Variants in DLC1 observed in about 807,000 individuals in gnomAD.
DLC1 encodes the protein rho GTPase-activating protein 7.
In DLC1, 54 loss-of-function variants were observed where a neutral mutation model predicts 140.3. The ratio of observed to expected loss-of-function variants is 0.38; its 90% CI spans 0.31 to 0.48. The LOEUF is 0.48. DLC1 is among the 20% of genes least tolerant of loss of function. The pLI is 0.96. For missense variants in DLC1, 2,536 were observed against 1,907.0 expected (o/e 1.33, Z -6.14); for synonymous variants, 986 against 728.1 (o/e 1.35, Z -5.70).
At chr8:13,496,579 C>T (rs80255732) in intron 2 of DLC1, among the ~76,000 whole-genome samples, 30,373 of 130,362 alleles carry the variant, frequency 0.23, 3,231 homozygotes, top group East Asian at 0.32. Flanking sequence ...TATATATATA[C>T]ACACACACAC....
At chr8:13,568,127 T>A in intron 1 of DLC1, 1 of 714,180 alleles carries the variant, frequency 1.4e-6, no homozygotes, top group South Asian at 2.6e-5. Flanking sequence ...ATAAAAACTT[T>A]TACAAAATTC....
At chr8:13,262,252 A>G (rs1830497313) in intron 5 of DLC1, among the ~76,000 whole-genome samples, 1 of 152,246 alleles carries the variant, frequency 6.6e-6, no homozygotes, top group Non-Finnish European at 1.5e-5. Flanking sequence ...ACTTAAAAAA[A>G]AGATAGGGGT....
intron 5 of DLC1, among the ~76,000 whole-genome samples, chr8:13,125,072 G>C (rs755910623): frequency 3.9e-5 from 6 of 152,014 alleles, no homozygotes; most frequent in Non-Finnish European, 8.8e-5. Flanking sequence ...TGCCTCCTGG[G>C]TTCAAGCCAT....
chr8:13,287,569 T>C (rs1418790418), intron 5 of DLC1, among the ~76,000 whole-genome samples: 5 of 152,182 alleles, frequency 3.3e-5, no homozygotes, highest in Non-Finnish European at 4.4e-5. Flanking sequence ...TAAACCCTTG[T>C]TGGTATTTGT....
In DLC1 at chr8:13,141,952, C is replaced by T. The variant is rs115846278; in HGVS notation, c.1349-26295G>A. Reference sequence around the variant, plus strand: ...CCCAAATCTCATCTTGAACTGTAATCCCCAGGTATTTAGGGAGGCACCTAC... The same window carrying T: ...CCCAAATCTCATCTTGAACTGTAATTCCCAGGTATTTAGGGAGGCACCTAC... On this transcript the variant is annotated intron_variant, in intron 5 of 17. Transcript: ENST00000276297. Among the ~76,000 whole-genome samples the T allele has an allele frequency of 9.5e-3, 1,452 of 152,260 alleles. 18 individuals are homozygous for T. Among genetic ancestry groups the T allele is most frequent in the African/African-American group, 0.032 (1,342 of 41,534 alleles).
At chr8:13,157,922 T>G (rs1824375834) in intron 5 of DLC1, among the ~76,000 whole-genome samples, 1 of 152,238 alleles carries the variant, frequency 6.6e-6, no homozygotes, top group South Asian at 2.1e-4. Context: ...GAAAACTTAC[T>G]CATTTAGTTT....
At chr8:13,418,152 C>A (rs965873767) in intron 2 of DLC1, among the ~76,000 whole-genome samples, 1 of 152,138 alleles carries the variant, frequency 6.6e-6, no homozygotes, top group African/African-American at 2.4e-5. Flanking sequence ...AATTTTCTCC[C>A]ATTTTGTAAG....
chr8:13,343,470 T>G (rs1232501055), intron 4 of DLC1, among the ~76,000 whole-genome samples: 1 of 152,204 alleles, frequency 6.6e-6, no homozygotes, highest in Non-Finnish European at 1.5e-5. Context: ...GAAATAAAAG[T>G]TACAAGATGG....
intron 2 of DLC1, among the ~76,000 whole-genome samples, chr8:13,452,349 C>T (rs1034425738): frequency 6.6e-6 from 1 of 152,146 alleles, no homozygotes; most frequent in South Asian, 2.1e-4. Context: ...AATTAAACAT[C>T]ACACAGTGAG....
At chr8:13,560,020 A>G (rs1804183418) in intron 1 of DLC1, among the ~76,000 whole-genome samples, 2 of 152,190 alleles carry the variant, frequency 1.3e-5, no homozygotes. Context: ...GAAAACCTAG[A>G]TATTATGTTA....
chr8:13,304,873 C>A lies in DLC1; in HGVS notation c.1348+396G>T, dbSNP rs189081589. On this transcript the variant is annotated intron_variant, in intron 5 of 17. Coordinates refer to ENST00000276297, the MANE Select transcript of DLC1 (RefSeq NM_182643.3). ...TATATTTTTGATAGTATGGCATCAG[C>A]TTTAAGCATCAATTACATCTTTTTC... is the stretch of plus-strand genomic sequence containing the variant. 7.2e-5 allele frequency: 71 copies of A among 991,102 alleles called. No homozygotes were observed. In the African/African-American group the frequency reaches 1.1e-3, roughly 15 times the overall value. The allele number at this position is 991,102 out of a possible 1,614,324, so 61.4% of individuals were successfully genotyped here. A position where few individuals can be genotyped will look rare whatever the true frequency, so the allele number is the denominator to read the frequency against.
intron 1 of DLC1, among the ~76,000 whole-genome samples, chr8:13,565,584 C>G (rs758881072): frequency 6.6e-6 from 1 of 152,060 alleles, no homozygotes; most frequent in Non-Finnish European, 1.5e-5. Flanking sequence ...GGCTCATATA[C>G]TTGAGAGATG....
intron 5 of DLC1, among the ~76,000 whole-genome samples, chr8:13,181,453 A>G (rs904933308): frequency 5.3e-5 from 8 of 150,804 alleles, no homozygotes; most frequent in Non-Finnish European, 1.0e-4. Context: ...CGTCATTTAT[A>G]TTAGGTATTT....
At chr8:13,093,855 C>T (rs1818285973) in intron 12 of DLC1, among the ~76,000 whole-genome samples, 1 of 152,174 alleles carries the variant, frequency 6.6e-6, no homozygotes, top group Non-Finnish European at 1.5e-5. Flanking sequence ...CCACACTGAG[C>T]CAAGAAAAAC....
At chr8:13,548,607 T>C (rs1046430061) in intron 1 of DLC1, among the ~76,000 whole-genome samples, 1 of 152,068 alleles carries the variant, frequency 6.6e-6, no homozygotes, top group African/African-American at 2.4e-5. Context: ...GGACCTTTAA[T>C]AGACTTTAGG....
intron 1 of DLC1, among the ~76,000 whole-genome samples, chr8:13,571,981 G>C (rs908175949): frequency 1.3e-5 from 2 of 151,936 alleles, no homozygotes; most frequent in African/African-American, 4.8e-5. Context: ...TTTTTCATGT[G>C]ATTAATGTTC....
chr8:13,178,497 G>A (rs62494872), intron 5 of DLC1, among the ~76,000 whole-genome samples: 5,176 of 151,328 alleles, frequency 0.034, 110 homozygotes, highest in East Asian at 0.054. Flanking sequence ...GCGTGAACCC[G>A]GGAGGCAGAG....
chr8:13,405,745 C>T (rs1013127049), intron 2 of DLC1, among the ~76,000 whole-genome samples: 1 of 152,098 alleles, frequency 6.6e-6, no homozygotes, highest in African/African-American at 2.4e-5. Flanking sequence ...TCAATTACTA[C>T]AACATTAATT....
intron 4 of DLC1, among the ~76,000 whole-genome samples, chr8:13,323,727 A>T (rs1209098354): frequency 1.3e-5 from 2 of 152,192 alleles, no homozygotes; most frequent in African/African-American, 4.8e-5. Flanking sequence ...GAGATAAGGG[A>T]ATGCAGCAAA....
Sources: gnomAD v4.1 joint callset for allele counts (sites outside exome capture counted in the v4.1 genomes callset) on GRCh38, gnomAD v4.1.1 for gene constraint, MANE v1.5 for transcripts, NCBI Gene and HGNC (gene_info 2026-07-23, HGNC 2026-07-21) for gene names.